Variants in PTGFR observed in about 807,000 individuals in gnomAD.
The protein encoded by PTGFR is prostaglandin F2-alpha receptor.
In PTGFR, 15 loss-of-function variants were observed where a neutral mutation model predicts 26.2. The observed-to-expected ratio is 0.57, with a 90% CI of 0.38 to 0.88. PTGFR has a LOEUF of 0.88. Ranked by LOEUF, PTGFR falls within the 40% of genes least tolerant of loss-of-function variation. The pLI, the probability that PTGFR is intolerant of heterozygous loss-of-function variation, is 0.00. For missense variants in PTGFR, 369 were observed against 427.2 expected (o/e 0.86, Z 1.20); for synonymous variants, 165 against 151.1 (o/e 1.09, Z -0.68).
rs1650770137 is a variant in PTGFR at position 78,540,484 on chromosome 1, T to A, written c.*3797T>A. Among the ~76,000 whole-genome samples the A allele has an allele frequency of 6.6e-6, 1 of 152,122 alleles. No individual in the cohort carries two copies. Among genetic ancestry groups the A allele is most frequent in the Non-Finnish European group, 1.5e-5 (1 of 67,998 alleles). On this transcript the variant is annotated 3_prime_UTR_variant, in exon 3 of 3. Coordinates refer to ENST00000370757, the MANE Select transcript of PTGFR (RefSeq NM_000959.4). ...AGAAACATTTAGGACTCACTCTTTG[T>A]AAGTACTGACAAGCATGGTCTTGTA...
At chr1:78,528,882 T>C (rs902949860) in intron 2 of PTGFR, among the ~76,000 whole-genome samples, 1 of 152,090 alleles carries the variant, frequency 6.6e-6, no homozygotes, top group Non-Finnish European at 1.5e-5. Context: ...ACACATACAT[T>C]TCAACAAGTA....
intron 2 of PTGFR, among the ~76,000 whole-genome samples, chr1:78,533,383 G>T (rs2100402724): frequency 1.3e-5 from 2 of 152,220 alleles, no homozygotes; most frequent in Middle Eastern, 3.4e-3. Context: ...TTTCCACTTT[G>T]TATGGAAGTC....
intron 2 of PTGFR, among the ~76,000 whole-genome samples, chr1:78,528,914 C>A (rs1650440376): frequency 6.6e-6 from 1 of 152,100 alleles, no homozygotes. Flanking sequence ...AGACCGTGAA[C>A]TAATACACAC....
chr1:78,498,050 G>A, intron 2 of PTGFR: 1 of 868,810 alleles, frequency 1.2e-6, no homozygotes, highest in Non-Finnish European at 1.8e-6. Context: ...GTTAAACATT[G>A]TTTGGTCACT....
intron 2 of PTGFR, among the ~76,000 whole-genome samples, chr1:78,516,374 T>A (rs1570285264): frequency 6.6e-6 from 1 of 152,156 alleles, no homozygotes; most frequent in East Asian, 1.9e-4. Context: ...CAGATTTAAG[T>A]CAATATTCAT....
Position 78,492,806 on chromosome 1 carries a change from C to G in PTGFR, c.63C>G (p.Thr21=), listed in dbSNP as rs35227129. The G allele has an allele frequency of 1.9e-5, 30 of 1,614,072 alleles. No homozygotes were observed. Among genetic ancestry groups the G allele is most frequent in the Non-Finnish European group, 2.5e-6 (3 of 1,180,046 alleles). The part of the protein sequence containing the change: ...SPAAALLSNT[T]CQTENRLSVF... ...CAGCTGCGCTTCTTTCAAACACAAC[C>G]TGCCAGACGGAAAACCGGCTTTCCG... The change falls in exon 2 of 3, where the codon ACC becomes ACG. Residue 21 remains threonine, a synonymous_variant. Transcript: ENST00000370757.
rs932169708 is a variant in PTGFR at position 78,536,864 on chromosome 1, C to T, written c.*177C>T. 9 of 723,088 alleles carry T rather than the reference C, an allele frequency of 1.2e-5. No homozygotes were observed. The highest frequency in any genetic ancestry group is 4.0e-4 in the Middle Eastern group (1 of 2,498). 44.8% of individuals were successfully genotyped at this position (723,088 alleles called of 1,614,324 possible). The stretch of plus-strand genomic sequence containing the variant: ...TTGTCAAATAAACAGGATAACTGTA[C>T]ATTTTTCACTTGTTTTTGCCAATGG... On this transcript the variant is annotated 3_prime_UTR_variant, in exon 3 of 3. Coordinates refer to ENST00000370757, the MANE Select transcript of PTGFR (RefSeq NM_000959.4).
intron 2 of PTGFR, among the ~76,000 whole-genome samples, chr1:78,524,049 G>A (rs957228924): frequency 6.6e-6 from 1 of 152,102 alleles, no homozygotes; most frequent in Non-Finnish European, 1.5e-5. Flanking sequence ...ATACAACAAT[G>A]TGTGGTTTGC....
intron 2 of PTGFR, among the ~76,000 whole-genome samples, chr1:78,507,020 T>A (rs569713460): frequency 9.1e-4 from 139 of 152,300 alleles, no homozygotes; most frequent in African/African-American, 2.8e-3. Flanking sequence ...AATTATTTTA[T>A]CCTTAACTAG....
rs547988657 is a variant in PTGFR at position 78,527,844 on chromosome 1, T to C, written c.799-8562T>C. Among the ~76,000 whole-genome samples, 257 of 152,286 alleles carry C rather than the reference T, an allele frequency of 1.7e-3. 1 individual carries two copies. The highest frequency in any genetic ancestry group is 5.9e-3 in the African/African-American group (245 of 41,578). ...ATTAATTCCTTCACTTGGTATTTAC[T>C]GAATGCCAGTATGTACCAAATATTG... On this transcript the variant is annotated intron_variant, in intron 2 of 2. Transcript: ENST00000370757.
At chr1:78,517,216 A>G (rs527544420) in intron 2 of PTGFR, among the ~76,000 whole-genome samples, 132 of 152,262 alleles carry the variant, frequency 8.7e-4, no homozygotes, top group African/African-American at 3.0e-3. Flanking sequence ...TACTCATTCA[A>G]TTATTCAATA....
intron 2 of PTGFR, among the ~76,000 whole-genome samples, chr1:78,499,133 C>T (rs535818484): frequency 6.6e-6 from 1 of 152,294 alleles, no homozygotes; most frequent in Non-Finnish European, 1.5e-5. Context: ...GATCAGGGAG[C>T]ACATTCCTGT....
Position 78,493,276 on chromosome 1 carries a change from A to C in PTGFR, c.533A>C (p.Lys178Thr), listed in dbSNP as rs765750868. 2.5e-6 allele frequency: 4 copies of C among 1,614,198 alleles called. No homozygotes were observed. The highest frequency in any genetic ancestry group is 3.4e-6 in the Non-Finnish European group (4 of 1,180,018). ...LLPILGHRDY[K>T]IQASRTWCFY... ...CCCATCCTTGGACATCGAGACTATAAAATTCAGGCGTCGAGGACCTGGTGT... is the reference window on the plus strand; with the variant it reads ...CCCATCCTTGGACATCGAGACTATACAATTCAGGCGTCGAGGACCTGGTGT... The change falls in exon 2 of 3, where the codon AAA becomes ACA. Residue 178 changes from lysine (K) to threonine (T), a missense_variant. Physicochemically the swap from Lys to Thr is moderately conservative, Grantham distance 78 (BLOSUM62 -1). Coordinates refer to ENST00000370757, the MANE Select transcript of PTGFR (RefSeq NM_000959.4).
intron 2 of PTGFR, among the ~76,000 whole-genome samples, chr1:78,534,579 T>A (rs929371268): frequency 3.9e-5 from 6 of 152,296 alleles, no homozygotes; most frequent in African/African-American, 1.2e-4. Flanking sequence ...AATTAGTGAA[T>A]TTGAGACAAA....
At position 78,539,072 on chromosome 1, in the gene PTGFR, C is replaced by A. The variant is rs1424894112; in HGVS notation, c.*2385C>A. On this transcript the variant is annotated 3_prime_UTR_variant, in exon 3 of 3. Coordinates refer to ENST00000370757, the MANE Select transcript of PTGFR (RefSeq NM_000959.4). ...TATGACTATGAATACAAAGATAATG[C>A]TGATTCACAATTAGCTATGGGTAAG... 1 of 147,696 alleles carries A rather than the reference C, an allele frequency of 6.8e-6. No individual in the cohort carries two copies. The highest frequency in any genetic ancestry group is 2.5e-5 in the African/African-American group (1 of 40,030). The allele number at this position is 147,696 out of a possible 1,614,324, so 9.1% of individuals were successfully genotyped here.
intron 2 of PTGFR, among the ~76,000 whole-genome samples, chr1:78,515,428 C>T (rs1347550726): frequency 1.3e-5 from 2 of 152,178 alleles, no homozygotes; most frequent in Admixed American, 6.5e-5. Flanking sequence ...CATTTTCCTT[C>T]CAAATTTTCT....
rs114337140 is a variant in PTGFR, at chr1:78,496,320, A to G, written c.798+2779A>G. Among the ~76,000 whole-genome samples, 1,501 of 152,254 alleles carry G rather than the reference A, an allele frequency of 9.9e-3. 31 individuals carry two copies. The highest frequency in any genetic ancestry group is 0.034 in the African/African-American group (1,428 of 41,548). ...AATAGATATTAATTACTGAGCCATTATTTTCCTGCCCACCTTGTATTTTAA... is the reference window on the plus strand; with the variant it reads ...AATAGATATTAATTACTGAGCCATTGTTTTCCTGCCCACCTTGTATTTTAA... On this transcript the variant is annotated intron_variant, in intron 2 of 2. Transcript: ENST00000370757.
intron 1 of PTGFR, among the ~76,000 whole-genome samples, chr1:78,491,607 T>C (rs1425706552): frequency 6.6e-6 from 1 of 152,242 alleles, no homozygotes; most frequent in Non-Finnish European, 1.5e-5. Flanking sequence ...GTTTGAGCAA[T>C]TGCAGAAAGT....
chr1:78,510,991 G>C (rs1557652450), intron 2 of PTGFR, among the ~76,000 whole-genome samples: 1 of 152,188 alleles, frequency 6.6e-6, no homozygotes, highest in Non-Finnish European at 1.5e-5. Flanking sequence ...GGGCACGCCA[G>C]TGTAAGAGGT....
Sources: gnomAD v4.1 joint callset for allele counts (sites outside exome capture counted in the v4.1 genomes callset) on GRCh38, gnomAD v4.1.1 for gene constraint, MANE v1.5 for transcripts, NCBI Gene and HGNC (gene_info 2026-07-23, HGNC 2026-07-21) for gene names.